CDK19: variants seen among roughly 807,000 people sequenced by gnomAD.
CDK19 encodes cyclin dependent kinase 19.
CDK19 carries 20 observed loss-of-function variants against 68.3 expected under a neutral mutation model. The ratio of observed to expected loss-of-function variants is 0.29; its 90% CI spans 0.21 to 0.43. CDK19 has a LOEUF of 0.43. CDK19 is among the 20% of genes least tolerant of loss of function. CDK19 has a pLI of 1.00. For missense variants in CDK19, 339 were observed against 623.5 expected (o/e 0.54, Z 4.86); for synonymous variants, 221 against 222.8 (o/e 0.99, Z 0.07).
chr6:110,678,145 C>A (rs188689131), intron 2 of CDK19, among the ~76,000 whole-genome samples: 1 of 152,006 alleles, frequency 6.6e-6, no homozygotes, highest in East Asian at 1.9e-4. Flanking sequence ...ACCACACTAG[C>A]CCAGAAAGAC....
chr6:110,662,352 T>G (rs1230861822), intron 4 of CDK19, among the ~76,000 whole-genome samples: 1 of 152,142 alleles, frequency 6.6e-6, no homozygotes, highest in African/African-American at 2.4e-5. Context: ...AAAGACTTCG[T>G]GCTTATTGTG....
intron 2 of CDK19, among the ~76,000 whole-genome samples, chr6:110,705,626 GA>G (rs1774404864): frequency 6.6e-6 from 1 of 152,232 alleles, no homozygotes; most frequent in South Asian, 2.1e-4. Context: ...TACGTTCACA[GA>G]AGCGAAGCAT....
At chr6:110,793,142 G>A (rs767463914) in intron 1 of CDK19, among the ~76,000 whole-genome samples, 27 of 152,006 alleles carry the variant, frequency 1.8e-4, no homozygotes, top group African/African-American at 4.1e-4. Flanking sequence ...ATCCTTCCCC[G>A]AGAACGGAAA....
chr6:110,642,494 T>A (rs951014063), intron 4 of CDK19, among the ~76,000 whole-genome samples: 1 of 152,018 alleles, frequency 6.6e-6, no homozygotes, highest in African/African-American at 2.4e-5. Context: ...GCTTACAGTC[T>A]AGTGAGAAGA....
chr6:110,694,395 C>T (rs927748863), intron 2 of CDK19, among the ~76,000 whole-genome samples: 1 of 152,088 alleles, frequency 6.6e-6, no homozygotes, highest in African/African-American at 2.4e-5. Context: ...TTTAAAGCAA[C>T]AACAGTTTAA....
At chr6:110,708,871 G>A (rs1213595770) in intron 2 of CDK19, among the ~76,000 whole-genome samples, 1 of 152,032 alleles carries the variant, frequency 6.6e-6, no homozygotes, top group Non-Finnish European at 1.5e-5. Context: ...ATCTCAACTG[G>A]CTCTCTTTAC....
At chr6:110,746,064 TTAAAA>T (rs578155666) in intron 2 of CDK19, 57 bp downstream of exon 2, 21 of 813,082 alleles carry the variant, frequency 2.6e-5, no homozygotes, top group Non-Finnish European at 4.0e-5. Context: ...AACTTTTATA[TTAAAA>T]TAAATCATCA....
intron 1 of CDK19, among the ~76,000 whole-genome samples, chr6:110,794,209 C>T (rs1390033084): frequency 2.0e-5 from 3 of 151,810 alleles, no homozygotes; most frequent in Non-Finnish European, 4.4e-5. Flanking sequence ...CCACGCCTAG[C>T]TAACTTTTGT....
chr6:110,787,767 GA>G (rs1381519469), intron 1 of CDK19, among the ~76,000 whole-genome samples: 1 of 152,090 alleles, frequency 6.6e-6, no homozygotes, highest in African/African-American at 2.4e-5. Context: ...ATAATTCAGT[GA>G]TTTCCTTATT....
chr6:110,768,153 C>G (rs770728734), intron 1 of CDK19, among the ~76,000 whole-genome samples: 5 of 152,168 alleles, frequency 3.3e-5, no homozygotes, highest in Non-Finnish European at 5.9e-5. Flanking sequence ...AAAAGATGCT[C>G]AACTCTCATG....
At chr6:110,803,427 C>T (rs936210571) in intron 1 of CDK19, among the ~76,000 whole-genome samples, 14 of 152,044 alleles carry the variant, frequency 9.2e-5, no homozygotes, top group Non-Finnish European at 2.1e-4. Context: ...GTTTTTTTAC[C>T]ATGTGTAACC....
At chr6:110,657,267 C>T (rs1267191293) in intron 4 of CDK19, among the ~76,000 whole-genome samples, 2 of 152,162 alleles carry the variant, frequency 1.3e-5, no homozygotes, top group African/African-American at 4.8e-5. Flanking sequence ...CAGTACTTAA[C>T]TGATTATGGC....
intron 1 of CDK19, among the ~76,000 whole-genome samples, chr6:110,810,728 C>T (rs1415553018): frequency 6.6e-6 from 1 of 151,156 alleles, no homozygotes; most frequent in Admixed American, 6.6e-5. Flanking sequence ...GAGCTGAGAT[C>T]GCACAATTGC....
chr6:110,713,459 T>C (rs1582926557), intron 2 of CDK19, among the ~76,000 whole-genome samples: 5 of 111,810 alleles, frequency 4.5e-5, no homozygotes, highest in Admixed American at 1.1e-4. Context: ...AATCCTGGGC[T>C]CAAGTGATCC....
At chr6:110,616,207 CG>C (rs1778304420) in intron 12 of CDK19, among the ~76,000 whole-genome samples, 1 of 152,118 alleles carries the variant, frequency 6.6e-6, no homozygotes, top group South Asian at 2.1e-4. Flanking sequence ...AAGAACCTGT[CG>C]GGCGGTTACA....
In CDK19 at chr6:110,815,327, C is replaced by A; in HGVS notation, c.-191G>T. Reference sequence around the variant, plus strand: ...TCCTCGGCGGCCACAGCAGCCACCTCCTCCACCTCTTCCTCCTCCTCCTCC... The same window carrying A: ...TCCTCGGCGGCCACAGCAGCCACCTACTCCACCTCTTCCTCCTCCTCCTCC... On this transcript the variant is annotated 5_prime_UTR_variant, in exon 1 of 13. Transcript: ENST00000368911. 2.0e-6 allele frequency: 1 copy of A among 497,326 alleles called. No homozygotes were observed. The highest frequency in any genetic ancestry group is 3.2e-6 in the Non-Finnish European group (1 of 308,956). The allele number at this position is 497,326 out of a possible 1,614,324, so 30.8% of individuals were successfully genotyped here. A position where few individuals can be genotyped will look rare whatever the true frequency, so the allele number is the denominator to read the frequency against.
At chr6:110,646,425 C>A in intron 4 of CDK19, 1 of 1,498,606 alleles carries the variant, frequency 6.7e-7, no homozygotes, top group South Asian at 1.3e-5. Flanking sequence ...ATGGCCTTCC[C>A]GCGCCGCAGC....
chr6:110,714,509 A>T (rs1179903777), intron 2 of CDK19, among the ~76,000 whole-genome samples: 8 of 152,120 alleles, frequency 5.3e-5, no homozygotes, highest in African/African-American at 1.9e-4. Flanking sequence ...ACCATTTTAC[A>T]TTCCCAACAG....
intron 1 of CDK19, among the ~76,000 whole-genome samples, chr6:110,805,319 T>C (rs560546326): frequency 6.6e-4 from 101 of 152,314 alleles, no homozygotes; most frequent in Middle Eastern, 3.4e-3. Context: ...TAATATTATA[T>C]AGTCACAACA....
Sources: gnomAD v4.1 joint callset for allele counts (sites outside exome capture counted in the v4.1 genomes callset) on GRCh38, gnomAD v4.1.1 for gene constraint, MANE v1.5 for transcripts, NCBI Gene and HGNC (gene_info 2026-07-23, HGNC 2026-07-21) for gene names.